Variants in EZR observed in about 807,000 individuals in gnomAD.
EZR encodes the protein ezrin.
Under a neutral mutation model 74.8 loss-of-function variants are expected in EZR, and 40 were observed. The observed-to-expected ratio is 0.53, with a 90% CI of 0.42 to 0.70. EZR has a LOEUF of 0.70. Among genes scored for constraint, EZR ranks in the 30% least tolerant of loss-of-function variants. The probability of loss-of-function intolerance (pLI) is 0.00; values close to 1 mark genes in which losing one functional copy is unlikely to be tolerated. For missense variants in EZR, 678 were observed against 755.8 expected (o/e 0.90, Z 1.21); for synonymous variants, 341 against 283.3 (o/e 1.20, Z -2.05).
At chr6:158,787,634 C>A (rs1791619548) in intron 3 of EZR, among the ~76,000 whole-genome samples, 1 of 152,200 alleles carries the variant, frequency 6.6e-6, no homozygotes, top group Non-Finnish European at 1.5e-5. Flanking sequence ...GCATCCAGTG[C>A]CACACCTGAG....
At chr6:158,797,764 A>G (rs1777103850) in intron 2 of EZR, among the ~76,000 whole-genome samples, 1 of 152,234 alleles carries the variant, frequency 6.6e-6, no homozygotes, top group Admixed American at 6.5e-5. Context: ...TTGGGTAATT[A>G]TAGAGACAAA....
At chr6:158,774,118 A>AC (rs1791198190) in intron 8 of EZR, among the ~76,000 whole-genome samples, 1 of 152,336 alleles carries the variant, frequency 6.6e-6, no homozygotes, top group South Asian at 2.1e-4. Flanking sequence ...AAGGAATCCC[A>AC]CCGCCTCAAA....
At chr6:158,790,278 TA>T (rs1791702682) in intron 2 of EZR, among the ~76,000 whole-genome samples, 1 of 152,074 alleles carries the variant, frequency 6.6e-6, no homozygotes, top group African/African-American at 2.4e-5. Flanking sequence ...AAATAAAATG[TA>T]AAAATGGAAA....
At position 158,766,001 on chromosome 6, in the gene EZR, A is replaced by C. The variant is rs951325220; in HGVS notation, c.*913T>G. The C allele has an allele frequency of 1.3e-5, 2 of 152,596 alleles. No homozygotes were observed. Among genetic ancestry groups the C allele is most frequent in the Admixed American group, 6.5e-5 (1 of 15,278 alleles). The allele number at this position is 152,596 out of a possible 1,614,324, so 9.5% of individuals were successfully genotyped here. A position where few individuals can be genotyped will look rare whatever the true frequency, so the allele number is the denominator to read the frequency against. ...GGCATGTGTGAATCTGACAAAATTA[A>C]AAGTGTGCATAGTCCATTACATGCA... On this transcript the variant is annotated 3_prime_UTR_variant, in exon 14 of 14. Coordinates refer to ENST00000367075, the MANE Select transcript of EZR (RefSeq NM_001111077.2).
At chr6:158,789,405 T>G in intron 2 of EZR, 34 bp from the exon 3 acceptor site, 1 of 1,576,962 alleles carries the variant, frequency 6.3e-7, no homozygotes, top group Non-Finnish European at 8.7e-7. Flanking sequence ...TACGCTTAAC[T>G]GAGTATTCTT....
At chr6:158,787,224 C>A (rs767462810) in intron 3 of EZR, 21 bp from the exon 4 acceptor site, 2 of 1,586,586 alleles carry the variant, frequency 1.3e-6, no homozygotes, top group East Asian at 4.5e-5. Context: ...GAGAGAGAGG[C>A]TCAACACTCA....
At chr6:158,797,767 G>A (rs2128573193) in intron 2 of EZR, among the ~76,000 whole-genome samples, 2 of 152,308 alleles carry the variant, frequency 1.3e-5, no homozygotes, top group East Asian at 3.9e-4. Context: ...GGTAATTATA[G>A]AGACAAAACT....
rs764346826 is a variant in EZR, at chr6:158,783,645, G to A, written c.573C>T (p.Tyr191=). Residue 191 remains tyrosine (Y), a synonymous_variant, in exon 7 of 14, where the codon TAC becomes TAT. Transcript: ENST00000367075. ...GMLKDNAMLE[Y]LKIAQDLEMY... is the part of the protein sequence containing the mutation. ...TTTCCAGGTCCTGAGCAATCTTCAG[G>A]TATTCCAACATAGCATTATCTCTAA... 9 of 1,613,638 alleles carry A rather than the reference G, an allele frequency of 5.6e-6. No homozygotes were observed. In the South Asian group the frequency reaches 7.7e-5, roughly 14 times the overall value.
chr6:158,781,153 G>A (rs981548327), intron 7 of EZR, among the ~76,000 whole-genome samples: 6 of 152,108 alleles, frequency 3.9e-5, no homozygotes, highest in African/African-American at 1.2e-4. Flanking sequence ...AACAGCTGGC[G>A]AGTTCTCAGC....
rs756335191 is a variant in EZR, at chr6:158,787,154, T to C, written c.146A>G (p.Tyr49Cys). ...GGTAGGAAATCCTTTATTATCCACATAGTGGAGGCCAAAGTACCACACTTC... is the reference window on the plus strand; with the variant it reads ...GGTAGGAAATCCTTTATTATCCACACAGTGGAGGCCAAAGTACCACACTTC... Reference protein sequence around the residue: ...LREVWYFGLHYVDNKGFPTWL... With the variant: ...LREVWYFGLHCVDNKGFPTWL... The change falls in exon 4 of 14, where the codon TAT becomes TGT. Residue 49 changes from tyrosine to cysteine, a missense_variant. Tyr to Cys is a radical substitution (Grantham distance 194). Coordinates refer to ENST00000367075, the MANE Select transcript of EZR (RefSeq NM_001111077.2). The C allele has an allele frequency of 1.9e-5, 30 of 1,613,430 alleles. No homozygotes were observed. The highest frequency in any genetic ancestry group is 5.3e-5 in the African/African-American group (4 of 74,926).
In EZR at chr6:158,767,437, G is replaced by T. The variant is rs1037714840; in HGVS notation, c.1420C>A (p.Pro474Thr). The T allele has an allele frequency of 1.9e-6, 3 of 1,612,978 alleles. No individual in the cohort carries two copies. Among genetic ancestry groups the T allele is most frequent in the African/African-American group, 2.7e-5 (2 of 74,848 alleles). The change falls in exon 13 of 14, where the codon CCA becomes ACA. Residue 474 changes from proline to threonine, a missense_variant. Pro to Thr is a conservative substitution (Grantham distance 38). Coordinates refer to ENST00000367075, the MANE Select transcript of EZR (RefSeq NM_001111077.2). ...CTCACCGGCTCGTACACGGGGGGTG[G>T]TGGGGGCGGGGGTGCTGTCATCACC... ...HLVMTAPPPPPPPVYEPVSYH... is the reference protein window; with the variant it reads ...HLVMTAPPPPTPPVYEPVSYH...
rs1562506440 is a variant in EZR at position 158,807,418 on chromosome 6, T to C, written c.12+10664A>G. Among the ~76,000 whole-genome samples the C allele has an allele frequency of 5.3e-5, 8 of 151,692 alleles. No individual in the cohort carries two copies. The South Asian group carries it at 1.7e-3, about 32-fold the overall frequency. On this transcript the variant is annotated intron_variant, in intron 2 of 13. Coordinates refer to ENST00000367075, the MANE Select transcript of EZR (RefSeq NM_001111077.2). Reference sequence around the variant, plus strand: ...TAATGGTGCAATAGGTAAAATACTATCAAAACAATCATTTCCCTGAACCAC... The same window carrying C: ...TAATGGTGCAATAGGTAAAATACTACCAAAACAATCATTTCCCTGAACCAC...
At chr6:158,776,286 A>G (rs1254763180) in intron 8 of EZR, 122 bp downstream of exon 8, 7 of 813,954 alleles carry the variant, frequency 8.6e-6, no homozygotes, top group Non-Finnish European at 1.3e-5. Context: ...CTGGCCCTCA[A>G]TGTAACCTCA....
chr6:158,818,786 A>G lies in EZR; in HGVS notation c.-74+531T>C, dbSNP rs1365534906. Among the ~76,000 whole-genome samples, 3 of 134,082 alleles carry G rather than the reference A, an allele frequency of 2.2e-5. No homozygotes were observed. In the East Asian group the frequency reaches 8.0e-4, roughly 36 times the overall value. 88.0% of individuals were successfully genotyped at this position (134,082 alleles called of 152,430 possible). A position where few individuals can be genotyped will look rare whatever the true frequency, so the allele number is the denominator to read the frequency against. ...ACCTAGGAGGAAGGAGTCCCGGGAC[A>G]GCCAGCGCGAGCCCGCGGGGCACCC... On this transcript the variant is annotated intron_variant, in intron 1 of 13. Coordinates refer to ENST00000367075, the MANE Select transcript of EZR (RefSeq NM_001111077.2).
chr6:158,789,064 C>T (rs1385493420), intron 3 of EZR, among the ~76,000 whole-genome samples: 1 of 152,232 alleles, frequency 6.6e-6, no homozygotes, highest in South Asian at 2.1e-4. Flanking sequence ...ATACAACAGA[C>T]AGCTGTGTGC....
chr6:158,784,195 C>T (rs1791504555), intron 6 of EZR, among the ~76,000 whole-genome samples: 1 of 152,178 alleles, frequency 6.6e-6, no homozygotes, highest in Admixed American at 6.5e-5. Context: ...GGTGGCTCGG[C>T]CATGTCTTAC....
intron 2 of EZR, among the ~76,000 whole-genome samples, chr6:158,792,543 G>A (rs912246085): frequency 1.2e-5 from 1 of 84,904 alleles, no homozygotes; most frequent in Non-Finnish European, 2.4e-5. Flanking sequence ...TTAAAAATTG[G>A]CTGGGCACAG....
At chr6:158,808,881 A>C (rs558136678) in intron 2 of EZR, among the ~76,000 whole-genome samples, 1 of 152,340 alleles carries the variant, frequency 6.6e-6, no homozygotes, top group African/African-American at 2.4e-5. Context: ...TAATGCCAAC[A>C]CTTTGAGAGA....
intron 2 of EZR, among the ~76,000 whole-genome samples, chr6:158,790,655 C>T (rs949493972): frequency 3.3e-5 from 5 of 151,488 alleles, no homozygotes; most frequent in African/African-American, 1.2e-4. Flanking sequence ...GCCTCGGCTC[C>T]GGAGCAAGAC....
Sources: gnomAD v4.1 joint callset for allele counts (sites outside exome capture counted in the v4.1 genomes callset) on GRCh38, gnomAD v4.1.1 for gene constraint, MANE v1.5 for transcripts, NCBI Gene and HGNC (gene_info 2026-07-23, HGNC 2026-07-21) for gene names.